The following IGSF21 variants were observed in gnomAD, a reference collection of about 807,000 sequenced individuals.
IGSF21 encodes the protein immunoglobulin superfamily member 21.
Under a neutral mutation model 46.8 loss-of-function variants are expected in IGSF21, and 28 were observed. The ratio of observed to expected loss-of-function variants is 0.60; its 90% CI spans 0.44 to 0.82. The LOEUF is 0.82. Ranked by LOEUF, IGSF21 falls within the 40% of genes least tolerant of loss-of-function variation. IGSF21 has a pLI of 0.00. For missense variants in IGSF21, 624 were observed against 665.5 expected, an observed-to-expected ratio of 0.94 and a Z score of 0.69; for synonymous variants, 284 against 273.6, an observed-to-expected ratio of 1.04 and a Z score of -0.38.
At chr1:18,348,113 A>C (rs1320841758) in intron 4 of IGSF21, among the ~76,000 whole-genome samples, 1 of 152,222 alleles carries the variant, frequency 6.6e-6, no homozygotes, top group African/African-American at 2.4e-5. Flanking sequence ...TTCTTATTTT[A>C]ATAAATGAAG....
intron 2 of IGSF21, among the ~76,000 whole-genome samples, chr1:18,248,851 G>A (rs977289406): frequency 2.0e-5 from 3 of 152,158 alleles, no homozygotes; most frequent in African/African-American, 7.2e-5. Context: ...GGGATGCAGA[G>A]CAGGTAGGCC....
chr1:18,242,252 G>A (rs1327636730), intron 2 of IGSF21, among the ~76,000 whole-genome samples: 1 of 152,178 alleles, frequency 6.6e-6, no homozygotes. Context: ...GCAGACAGGT[G>A]TAAGGAAGGG....
Position 18,318,510 on chromosome 1 carries a change from G to A in IGSF21, c.306-16382G>A, listed in dbSNP as rs2124591616. On this transcript the variant is annotated intron_variant, in intron 3 of 9. Coordinates refer to ENST00000251296, the MANE Select transcript of IGSF21 (RefSeq NM_032880.5). Reference sequence around the variant, plus strand: ...TGTGTGCGTGCGTTTGGCAAAATGGGACTGTTTCTGCTTAGACCTTGGTGA... The same window carrying A: ...TGTGTGCGTGCGTTTGGCAAAATGGAACTGTTTCTGCTTAGACCTTGGTGA... 2.6e-5 allele frequency among the ~76,000 whole-genome samples: 4 copies of A among 152,058 alleles called. No individual in the cohort carries two copies. In the South Asian group the frequency reaches 8.3e-4, roughly 32 times the overall value.
In IGSF21 at chr1:18,364,780, G is replaced by A. The variant is rs548961823; in HGVS notation, c.541-443G>A. 4.6e-4 allele frequency among the ~76,000 whole-genome samples: 70 copies of A among 152,000 alleles called. 1 individual carries two copies. Among genetic ancestry groups the A allele is most frequent in the African/African-American group, 1.6e-3 (66 of 41,452 alleles). ...TCTCCCAACGTCTCACTTCATCCCC[G>A]GTGCCTTCCATTTTTCCCTCATCCC... On this transcript the variant is annotated intron_variant, in intron 5 of 9. Transcript: ENST00000251296.
intron 1 of IGSF21, among the ~76,000 whole-genome samples, chr1:18,142,860 G>A (rs1333391996): frequency 6.6e-6 from 1 of 152,196 alleles, no homozygotes; most frequent in African/African-American, 2.4e-5. Context: ...CAGCAAGCAG[G>A]GGCGGCCTGT....
At chr1:18,366,087 G>A (rs1212278870) in intron 6 of IGSF21, among the ~76,000 whole-genome samples, 1 of 151,946 alleles carries the variant, frequency 6.6e-6, no homozygotes, top group African/African-American at 2.4e-5. Flanking sequence ...GCTGGGTTGG[G>A]TCAGGAACAT....
At chr1:18,318,574 G>A (rs1446420458) in intron 3 of IGSF21, among the ~76,000 whole-genome samples, 8 of 151,778 alleles carry the variant, frequency 5.3e-5, no homozygotes, top group Admixed American at 5.3e-4. Flanking sequence ...GAACCCACTG[G>A]GCACTCACCC....
At chr1:18,372,179 T>C (rs1478744739) in intron 6 of IGSF21, among the ~76,000 whole-genome samples, 3 of 152,218 alleles carry the variant, frequency 2.0e-5, no homozygotes, top group South Asian at 4.1e-4. Flanking sequence ...AACCCCAACA[T>C]AGTTCTTAAT....
chr1:18,168,107 C>T (rs1378969699), intron 1 of IGSF21, among the ~76,000 whole-genome samples: 3 of 147,728 alleles, frequency 2.0e-5, no homozygotes, highest in Non-Finnish European at 4.5e-5. Context: ...ACCCTGCTGC[C>T]TTTGGGGTGG....
At chr1:18,336,473 GTC>G (rs2085767345) in intron 4 of IGSF21, among the ~76,000 whole-genome samples, 1 of 152,212 alleles carries the variant, frequency 6.6e-6, no homozygotes, top group South Asian at 2.1e-4. Flanking sequence ...CTTGCCTAAA[GTC>G]ACACAGCCAA....
chr1:18,186,622 G>C (rs1472539350), intron 1 of IGSF21, among the ~76,000 whole-genome samples: 1 of 152,166 alleles, frequency 6.6e-6, no homozygotes, highest in Non-Finnish European at 1.5e-5. Flanking sequence ...GCAGCTTGCA[G>C]AGTATTTAAA....
At chr1:18,245,532 G>A (rs910646838) in intron 2 of IGSF21, among the ~76,000 whole-genome samples, 1 of 152,090 alleles carries the variant, frequency 6.6e-6, no homozygotes. Context: ...GCTTTATCTT[G>A]CATCCTACAA....
intron 4 of IGSF21, among the ~76,000 whole-genome samples, chr1:18,348,408 C>T (rs1352203240): frequency 6.6e-6 from 1 of 152,178 alleles, no homozygotes; most frequent in Non-Finnish European, 1.5e-5. Flanking sequence ...CTTCAGCCTC[C>T]CAGGCCCCGC....
At chr1:18,336,782 A>G (rs940654012) in intron 4 of IGSF21, among the ~76,000 whole-genome samples, 4 of 152,086 alleles carry the variant, frequency 2.6e-5, no homozygotes, top group Admixed American at 2.6e-4. Context: ...AGACATACCC[A>G]AGACTGGGCA....
chr1:18,143,392 G>T (rs1474938748), intron 1 of IGSF21, among the ~76,000 whole-genome samples: 2 of 152,072 alleles, frequency 1.3e-5, no homozygotes, highest in East Asian at 3.9e-4. Flanking sequence ...AGACAGTCCC[G>T]CTGAGCTTCT....
At chr1:18,292,013 A>G (rs2085272586) in intron 3 of IGSF21, 26 bp downstream of exon 3, 1 of 1,603,112 alleles carries the variant, frequency 6.2e-7, no homozygotes, top group Admixed American at 1.7e-5. Context: ...TGGCGGGCCG[A>G]CAGCGGGGGA....
intron 3 of IGSF21, among the ~76,000 whole-genome samples, chr1:18,297,482 G>A (rs567985565): frequency 3.2e-4 from 49 of 152,250 alleles, no homozygotes; most frequent in South Asian, 8.3e-4. Flanking sequence ...TTCTGATCTA[G>A]TGGGTGAGGA....
chr1:18,332,886 G>A (rs561060984), intron 3 of IGSF21, among the ~76,000 whole-genome samples: 1 of 152,298 alleles, frequency 6.6e-6, no homozygotes, highest in Admixed American at 6.5e-5. Context: ...AAAGAGGCTG[G>A]CAGCCCAGGT....
At chr1:18,225,470 T>C (rs1417757) in intron 1 of IGSF21, among the ~76,000 whole-genome samples, 152,140 of 152,216 alleles carry the variant, frequency 1, 76,032 homozygotes, top group Middle Eastern at 1. Context: ...CCCTCCATCC[T>C]GCCCTGCCTG....
Sources: gnomAD v4.1 joint callset for allele counts (sites outside exome capture counted in the v4.1 genomes callset) on GRCh38, gnomAD v4.1.1 for gene constraint, MANE v1.5 for transcripts, NCBI Gene and HGNC (gene_info 2026-07-23, HGNC 2026-07-21) for gene names.